TTYH2: variants seen among roughly 807,000 people sequenced by gnomAD.
The protein encoded by TTYH2 is tweety family member 2.
Under a neutral mutation model 68.3 loss-of-function variants are expected in TTYH2, and 49 were observed. That is an observed-to-expected ratio of 0.72 (90% confidence interval 0.57 to 0.91). The LOEUF (loss-of-function observed/expected upper bound fraction) is 0.91, where lower values mean the gene tolerates loss of function less well. TTYH2 is among the 40% of genes least tolerant of loss of function. The pLI is 0.00. For missense variants in TTYH2, 631 were observed against 700.4 expected (o/e 0.90, Z 1.12); for synonymous variants, 272 against 300.8 (o/e 0.90, Z 0.99).
rs1330645720 is a variant in TTYH2, at chr17:74,243,289, A to G, written c.636-85A>G. The G allele has an allele frequency of 2.7e-6, 3 of 1,125,624 alleles. No homozygotes were observed. In the African/African-American group the frequency reaches 4.6e-5, roughly 17 times the overall value. The allele number at this position is 1,125,624 out of a possible 1,614,324, so 69.7% of individuals were successfully genotyped here. ...CATAGTAGAGGGTCCAGTGTGTCCCAGGGCTGCCGTGCAGGCCTCTCACGT... is the reference window on the plus strand; with the variant it reads ...CATAGTAGAGGGTCCAGTGTGTCCCGGGGCTGCCGTGCAGGCCTCTCACGT... On this transcript the variant is annotated intron_variant, in intron 4 of 13. Transcript: ENST00000269346.
At chr17:74,227,410 CAG>C (rs376349721) in intron 2 of TTYH2, among the ~76,000 whole-genome samples, 60 of 152,298 alleles carry the variant, frequency 3.9e-4, no homozygotes, top group African/African-American at 1.3e-3. Flanking sequence ...AATCGTGACT[CAG>C]AGAGCTAGAA....
chr17:74,216,951 A>G (rs1026846382), intron 1 of TTYH2, among the ~76,000 whole-genome samples: 4 of 152,274 alleles, frequency 2.6e-5, no homozygotes, highest in African/African-American at 9.6e-5. Flanking sequence ...AACTGCTACA[A>G]TCACTGCTTA....
chr17:74,259,601 T>C (rs565703247), intron 13 of TTYH2, among the ~76,000 whole-genome samples: 55 of 152,310 alleles, frequency 3.6e-4, no homozygotes, highest in South Asian at 1.5e-3. Flanking sequence ...CCCAGGTGTT[T>C]CTGGCGAGCA....
In TTYH2 at chr17:74,243,360, G is replaced by C; in HGVS notation, c.636-14G>C. The C allele has an allele frequency of 6.2e-7, 1 of 1,611,700 alleles. No homozygotes were observed. Among genetic ancestry groups the C allele is most frequent in the South Asian group, 1.1e-5 (1 of 91,034 alleles). On this transcript the variant is annotated splice_polypyrimidine_tract_variant and intron_variant, in intron 4 of 13. Transcript: ENST00000269346. ...CACCCTGCTGCTCCTGACCATCCCT[G>C]CCCCTCTACCCAGGTGGCTCTCCTA...
Position 74,252,273 on chromosome 17 carries a change from C to T in TTYH2, c.1156C>T (p.Leu386Phe), listed in dbSNP as rs780395709. The T allele has an allele frequency of 1.9e-6, 3 of 1,613,736 alleles. No individual in the cohort carries two copies. Among genetic ancestry groups the T allele is most frequent in the East Asian group, 2.2e-5 (1 of 44,894 alleles). ...TCTTGCTGGCATCTGCTACGACGGC[C>T]TCCAGGGCTTGCTGTACCTTGGCCT... Reference protein sequence around the residue: ...DALAGICYDGLQGLLYLGLFS... With the variant: ...DALAGICYDGFQGLLYLGLFS... The change falls in exon 11 of 14, where the codon CTC becomes TTC. Residue 386 changes from leucine (L) to phenylalanine (F), a missense_variant. Coordinates refer to ENST00000269346, the MANE Select transcript of TTYH2 (RefSeq NM_032646.6).
chr17:74,243,882 G>C, intron 5 of TTYH2, 95 bp from the exon 6 acceptor site: 1 of 1,098,156 alleles, frequency 9.1e-7, no homozygotes, highest in Middle Eastern at 3.2e-4. Flanking sequence ...GCTGCCTTTG[G>C]ATCCATTGCA....
chr17:74,248,213 G>A, intron 6 of TTYH2: 1 of 952,740 alleles, frequency 1.0e-6, no homozygotes, highest in Non-Finnish European at 1.2e-6. Flanking sequence ...GCTCTCCCTG[G>A]CTGCTCTGGA....
intron 4 of TTYH2, among the ~76,000 whole-genome samples, chr17:74,240,115 CT>C (rs2050484101): frequency 6.6e-6 from 1 of 152,206 alleles, no homozygotes; most frequent in Admixed American, 6.5e-5. Context: ...ACAGGACCCC[CT>C]GTGAGTCCAT....
intron 13 of TTYH2, among the ~76,000 whole-genome samples, 177 bp downstream of exon 13, chr17:74,254,010 T>C (rs8074722): frequency 0.42 from 63,335 of 151,980 alleles, 13,871 homozygotes; most frequent in African/African-American, 0.53. Context: ...ATTGCAAAGA[T>C]GCAAGAAATC....
intron 2 of TTYH2, among the ~76,000 whole-genome samples, chr17:74,227,870 C>T (rs1283184209): frequency 6.6e-6 from 1 of 151,680 alleles, no homozygotes; most frequent in Non-Finnish European, 1.5e-5. Flanking sequence ...TGCTTATCTG[C>T]ACTTAACAGG....
chr17:74,253,856 C>T (rs1412447301), intron 13 of TTYH2, 23 bp downstream of exon 13: 16 of 1,612,530 alleles, frequency 9.9e-6, no homozygotes, highest in Admixed American at 1.7e-5. Context: ...CTGGCCCTTC[C>T]TTGTTGGGGT....
intron 4 of TTYH2, chr17:74,240,671 G>A (rs1444841588): frequency 1.3e-5 from 2 of 152,212 alleles, no homozygotes; most frequent in African/African-American, 4.8e-5. Context: ...TATACAAGGC[G>A]GGGCGAAGTA....
At position 74,239,121 on chromosome 17, in the gene TTYH2, C is replaced by T. The variant is rs2050473778; in HGVS notation, c.635+1607C>T. 6.6e-6 allele frequency among the ~76,000 whole-genome samples: 1 copy of T among 152,180 alleles called. No homozygotes were observed. Among genetic ancestry groups the T allele is most frequent in the Admixed American group, 6.5e-5 (1 of 15,282 alleles). ...GACCTCTGGGGCTTTGTTTACATCT[C>T]CCCTGCCTCCCCATTTGCCAAATCC... On this transcript the variant is annotated intron_variant, in intron 4 of 13. Transcript: ENST00000269346. This position sits in a 1 kb window ranked among gnomAD's most constrained non-coding sequence, Gnocchi z 5.3.
intron 1 of TTYH2, among the ~76,000 whole-genome samples, chr17:74,218,531 CAAA>C (rs549417385): frequency 1.6e-5 from 2 of 128,490 alleles, no homozygotes; most frequent in East Asian, 4.5e-4. Flanking sequence ...AAAAGGAAAT[CAAA>C]AAAAAAAAAA....
intron 4 of TTYH2, among the ~76,000 whole-genome samples, chr17:74,242,501 T>G (rs920581957): frequency 6.6e-6 from 1 of 152,204 alleles, no homozygotes; most frequent in Non-Finnish European, 1.5e-5. Context: ...CAAGTGATTC[T>G]CCTGCATCAG....
At chr17:74,243,584 G>A in intron 5 of TTYH2, 115 bp downstream of exon 5, 1 of 1,094,144 alleles carries the variant, frequency 9.1e-7, no homozygotes, top group Non-Finnish European at 1.4e-6. Context: ...GGCTGCCTGA[G>A]GCCACCTTCT....
At chr17:74,243,342 C>T (rs763006275) in intron 4 of TTYH2, 32 bp from the exon 5 acceptor site, 1 of 1,588,776 alleles carries the variant, frequency 6.3e-7, no homozygotes, top group Non-Finnish European at 8.6e-7. Context: ...TTCCACCCTG[C>T]TGCTCCTGAC....
chr17:74,219,387 C>CAAAAAAAAAAAAAAAAAAAAAAAAAA lies in TTYH2; in HGVS notation c.130-3082_130-3081insAAAAAAAAAAAAAAAAAAAAAAAAAA, dbSNP rs1031171600. On this transcript the variant is annotated intron_variant, in intron 1 of 13. Transcript: ENST00000269346. The stretch of plus-strand genomic sequence containing the variant: ...CTGGCGACAGAGCAAGACTCCGTGT[C>CAAAAAAAAAAAAAAAAAAAAAAAAAA]AAAAAAAAAAAAAAAAGAATAACTT... 2.6e-4 allele frequency among the ~76,000 whole-genome samples: 23 copies of CAAAAAAAAAAAAAAAAAAAAAAAAAA among 88,448 alleles called. 1 individual carries two copies. Among genetic ancestry groups the CAAAAAAAAAAAAAAAAAAAAAAAAAA allele is most frequent in the African/African-American group, 1.0e-3 (17 of 16,920 alleles). The allele number at this position is 88,448 out of a possible 152,430, so 58.0% of individuals were successfully genotyped here.
intron 2 of TTYH2, among the ~76,000 whole-genome samples, chr17:74,223,847 C>T (rs556208782): frequency 3.3e-5 from 5 of 152,238 alleles, no homozygotes; most frequent in South Asian, 2.1e-4. Flanking sequence ...CTTGCCACTG[C>T]GAGTTTCTTC....
Sources: gnomAD v4.1 joint callset for allele counts (sites outside exome capture counted in the v4.1 genomes callset) on GRCh38, gnomAD v4.1.1 for gene constraint, Gnocchi (gnomAD v3.1) non-coding constraint, MANE v1.5 for transcripts, NCBI Gene and HGNC (gene_info 2026-07-23, HGNC 2026-07-21) for gene names.